The following RARB variants were observed in gnomAD, a reference collection of about 807,000 sequenced individuals.
The protein encoded by RARB is retinoic acid receptor beta.
In RARB, 17 loss-of-function variants were observed where a neutral mutation model predicts 51.9. The observed-to-expected ratio is 0.33, with a 90% CI of 0.22 to 0.49. The LOEUF (loss-of-function observed/expected upper bound fraction) is 0.49, where lower values mean the gene tolerates loss of function less well. Ranked by LOEUF, RARB falls within the 20% of genes least tolerant of loss-of-function variation. The pLI, the probability that RARB is intolerant of heterozygous loss-of-function variation, is 0.99. For synonymous variants in RARB, 215 were observed against 195.4 expected, an observed-to-expected ratio of 1.10 and a Z score of -0.84; for missense variants, 369 against 550.8, an observed-to-expected ratio of 0.67 and a Z score of 3.30.
At chr3:25,537,331 T>C (rs1699181918) in intron 3 of RARB, among the ~76,000 whole-genome samples, 1 of 152,208 alleles carries the variant, frequency 6.6e-6, no homozygotes, top group African/African-American at 2.4e-5. Context: ...TTACTTCAAC[T>C]GTATATAGTT....
At chr3:25,430,470 T>C (rs1708157336) in intron 1 of RARB, among the ~76,000 whole-genome samples, 1 of 152,138 alleles carries the variant, frequency 6.6e-6, no homozygotes, top group Non-Finnish European at 1.5e-5. Flanking sequence ...AAGGAAAAAA[T>C]ATGCTCAGGA....
intron 2 of RARB, among the ~76,000 whole-genome samples, chr3:24,964,589 A>G (rs1696213448): frequency 1.3e-5 from 2 of 152,210 alleles, no homozygotes; most frequent in Admixed American, 6.5e-5. Flanking sequence ...GAACATGTAC[A>G]GGCAGACATG....
chr3:25,031,282 G>T (rs577459027), intron 2 of RARB, among the ~76,000 whole-genome samples: 1 of 152,290 alleles, frequency 6.6e-6, no homozygotes, highest in South Asian at 2.1e-4. Context: ...GACTAGCTCA[G>T]TGTTATTTAA....
chr3:24,946,191 G>C (rs1364171588), intron 2 of RARB, among the ~76,000 whole-genome samples: 2 of 150,338 alleles, frequency 1.3e-5, no homozygotes, highest in Non-Finnish European at 3.0e-5. Flanking sequence ...CGTGAACCTG[G>C]AGGCAGAGCT....
intron 1 of RARB, among the ~76,000 whole-genome samples, chr3:24,845,355 A>G (rs930645328): frequency 3.3e-4 from 51 of 152,346 alleles, no homozygotes; most frequent in African/African-American, 1.2e-3. Context: ...AGGAAGGAGC[A>G]GTAGGTAAGA....
chr3:25,016,013 T>C (rs1408092174), intron 2 of RARB, among the ~76,000 whole-genome samples: 1 of 152,210 alleles, frequency 6.6e-6, no homozygotes, highest in Non-Finnish European at 1.5e-5. Flanking sequence ...ATTTCTTCCA[T>C]GATTTCATAA....
chr3:25,055,000 A>G (rs1698407982), intron 2 of RARB, among the ~76,000 whole-genome samples: 1 of 152,196 alleles, frequency 6.6e-6, no homozygotes, highest in South Asian at 2.1e-4. Flanking sequence ...GATATAATGT[A>G]CTGTCTCATC....
At chr3:25,138,934 C>T (rs1362985263) in intron 4 of RARB, among the ~76,000 whole-genome samples, 1 of 152,094 alleles carries the variant, frequency 6.6e-6, no homozygotes, top group Non-Finnish European at 1.5e-5. Context: ...CTGTCTCTGT[C>T]ACAAATATTC....
chr3:25,172,664 T>G (rs758165856), intron 4 of RARB, among the ~76,000 whole-genome samples: 1 of 152,196 alleles, frequency 6.6e-6, no homozygotes, highest in Non-Finnish European at 1.5e-5. Context: ...ATTACTATAA[T>G]GTAGTCTCCC....
At chr3:25,380,699 A>C (rs1406920676) in intron 5 of RARB, among the ~76,000 whole-genome samples, 1 of 152,212 alleles carries the variant, frequency 6.6e-6, no homozygotes, top group African/African-American at 2.4e-5. Flanking sequence ...GATGAAGAAG[A>C]ATGTTGATAT....
intron 3 of RARB, among the ~76,000 whole-genome samples, chr3:25,542,918 A>G (rs1699444726): frequency 7.1e-6 from 1 of 140,900 alleles, no homozygotes; most frequent in Non-Finnish European, 1.7e-5. Context: ...GTGTTCACAT[A>G]GTTAGTGGTG....
At chr3:25,303,525 C>T (rs1704088693) in intron 5 of RARB, among the ~76,000 whole-genome samples, 1 of 152,196 alleles carries the variant, frequency 6.6e-6, no homozygotes, top group Admixed American at 6.5e-5. Flanking sequence ...CGTGTCCCCT[C>T]TGACGTTAGC....
At chr3:25,161,713 T>G (rs1442274270) in intron 4 of RARB, among the ~76,000 whole-genome samples, 2 of 152,238 alleles carry the variant, frequency 1.3e-5, no homozygotes, top group East Asian at 3.9e-4. Context: ...GCTAGTTTTG[T>G]GTGTGTATCT....
chr3:25,504,401 C>T (rs576142212), intron 3 of RARB, among the ~76,000 whole-genome samples: 1 of 152,298 alleles, frequency 6.6e-6, no homozygotes, highest in African/African-American at 2.4e-5. Context: ...TAACTTGGGT[C>T]ATGTGCCCTT....
chr3:25,475,516 A>G (rs1695903919), intron 2 of RARB, among the ~76,000 whole-genome samples: 1 of 152,252 alleles, frequency 6.6e-6, no homozygotes, highest in African/African-American at 2.4e-5. Flanking sequence ...ACATTCCTAT[A>G]AGAATATATA....
chr3:25,253,808 T>C (rs991619029), intron 5 of RARB, among the ~76,000 whole-genome samples: 2 of 152,130 alleles, frequency 1.3e-5, no homozygotes, highest in Non-Finnish European at 2.9e-5. Flanking sequence ...ACCCCTTTCT[T>C]TTCCATCGAG....
chr3:24,991,209 G>A (rs562537030), intron 2 of RARB, among the ~76,000 whole-genome samples: 1 of 152,202 alleles, frequency 6.6e-6, no homozygotes, highest in South Asian at 2.1e-4. Context: ...GGGAGGCTGA[G>A]GTGGGCAGAT....
At chr3:25,139,825 C>A (rs1575178343) in intron 4 of RARB, among the ~76,000 whole-genome samples, 1 of 152,128 alleles carries the variant, frequency 6.6e-6, no homozygotes, top group Non-Finnish European at 1.5e-5. Context: ...GGGGCTAATG[C>A]AGCTGATGAC....
At chr3:25,262,733 G>A (rs1703033096) in intron 5 of RARB, among the ~76,000 whole-genome samples, 1 of 152,128 alleles carries the variant, frequency 6.6e-6, no homozygotes, top group Non-Finnish European at 1.5e-5. Context: ...CTATCTTAAG[G>A]TCAGCCGGTT....
Sources: allele counts gnomAD v4.1 joint callset (sites outside exome capture counted in the v4.1 genomes callset), GRCh38; gene constraint gnomAD v4.1.1; transcripts MANE v1.5; gene names NCBI Gene and HGNC (gene_info 2026-07-23, HGNC 2026-07-21).